Variants in MGAT4C observed in about 807,000 individuals in gnomAD.
MGAT4C encodes MGAT4 family member C.
In MGAT4C, 19 loss-of-function variants were observed where a neutral mutation model predicts 40.1. That is an observed-to-expected ratio of 0.47 (90% CI 0.33 to 0.70). The LOEUF is 0.70. Ranked by LOEUF, MGAT4C falls within the 30% of genes least tolerant of loss-of-function variation. The pLI, the probability that MGAT4C is intolerant of heterozygous loss-of-function variation, is 0.02. For missense variants in MGAT4C, 491 were observed against 563.2 expected (o/e 0.87, Z 1.30); for synonymous variants, 181 against 187.1 (o/e 0.97, Z 0.27).
chr12:86,592,452 G>C (rs1227072853), intron 2 of MGAT4C, among the ~76,000 whole-genome samples: 1 of 152,016 alleles, frequency 6.6e-6, no homozygotes, highest in Non-Finnish European at 1.5e-5. Flanking sequence ...TGTATAATTG[G>C]TAAAAACGTT....
At chr12:86,805,729 T>C (rs1201085669) in intron 1 of MGAT4C, among the ~76,000 whole-genome samples, 4 of 152,028 alleles carry the variant, frequency 2.6e-5, no homozygotes, top group Non-Finnish European at 5.9e-5. Flanking sequence ...TTCTTTTGGA[T>C]AGATACCAAG....
chr12:86,210,823 T>C (rs839167), intron 1 of MGAT4C, among the ~76,000 whole-genome samples: 2 of 152,248 alleles, frequency 1.3e-5, no homozygotes, highest in Admixed American at 6.5e-5. Flanking sequence ...TCTCTCAGGA[T>C]AATAGTGTTA....
chr12:86,121,036 T>C (rs1490946066), intron 1 of MGAT4C, among the ~76,000 whole-genome samples: 1 of 152,122 alleles, frequency 6.6e-6, no homozygotes, highest in Non-Finnish European at 1.5e-5. Context: ...ATAACCAGTG[T>C]AGAGAAGACC....
chr12:86,660,183 G>A (rs1379973796), intron 2 of MGAT4C, among the ~76,000 whole-genome samples: 1 of 152,088 alleles, frequency 6.6e-6, no homozygotes, highest in Non-Finnish European at 1.5e-5. Flanking sequence ...AAGTGAAAAG[G>A]GAGTGTAATA....
intron 1 of MGAT4C, among the ~76,000 whole-genome samples, chr12:86,098,238 T>C (rs1247438581): frequency 1.3e-5 from 2 of 151,710 alleles, no homozygotes; most frequent in Non-Finnish European, 3.0e-5. Flanking sequence ...CTCTCAGCAA[T>C]TTTTCCTTTT....
intron 2 of MGAT4C, among the ~76,000 whole-genome samples, chr12:86,012,607 C>G (rs1888577298): frequency 6.6e-6 from 1 of 151,874 alleles, no homozygotes. Context: ...AAAAAATTAG[C>G]CAGGAGTGGT....
chr12:86,203,298 A>G lies in MGAT4C; in HGVS notation c.-57+52941T>C, dbSNP rs57439405. Among the ~76,000 whole-genome samples the G allele has an allele frequency of 3.1e-3, 472 of 152,228 alleles. 3 individuals are homozygous for G. Among genetic ancestry groups the G allele is most frequent in the African/African-American group, 0.011 (450 of 41,526 alleles). On this transcript the variant is annotated intron_variant, in intron 1 of 4. Transcript: ENST00000611864. ...TATAAAACTTTCTGGGTTCTTACGT[A>G]AATTTCCAAGGGTAGGCTAGAACTC...
chr12:86,310,886 C>T (rs1054554045), intron 4 of MGAT4C, among the ~76,000 whole-genome samples: 22 of 152,108 alleles, frequency 1.4e-4, no homozygotes, highest in South Asian at 2.1e-4. Context: ...ATCGCACCAC[C>T]GCACTCCAGC....
intron 2 of MGAT4C, among the ~76,000 whole-genome samples, chr12:86,594,708 G>C (rs945440821): frequency 2.0e-5 from 3 of 152,140 alleles, no homozygotes; most frequent in African/African-American, 7.2e-5. Flanking sequence ...ACCACTCTCA[G>C]ATCCAAATCA....
intron 2 of MGAT4C, among the ~76,000 whole-genome samples, chr12:86,567,173 G>A (rs1265630494): frequency 6.6e-6 from 1 of 152,076 alleles, no homozygotes; most frequent in Admixed American, 6.6e-5. Context: ...AGGATTCACA[G>A]GTCCATGAAT....
chr12:86,383,681 G>T (rs1955997093), intron 3 of MGAT4C, among the ~76,000 whole-genome samples: 2 of 151,256 alleles, frequency 1.3e-5, no homozygotes, highest in Admixed American at 1.3e-4. Flanking sequence ...TTTACCCAAT[G>T]CCTGTATCCT....
chr12:86,177,087 C>T (rs2135851886), intron 1 of MGAT4C, among the ~76,000 whole-genome samples: 1 of 151,776 alleles, frequency 6.6e-6, no homozygotes, highest in South Asian at 2.1e-4. Flanking sequence ...TGTCAGAATA[C>T]CAGCTTACTA....
At chr12:86,778,465 G>C (rs1242335772) in intron 1 of MGAT4C, among the ~76,000 whole-genome samples, 6 of 151,964 alleles carry the variant, frequency 3.9e-5, no homozygotes, top group Non-Finnish European at 7.4e-5. Flanking sequence ...ACCTGAAAAG[G>C]GTTAATTTAA....
At chr12:86,452,426 T>C (rs1010270207) in intron 2 of MGAT4C, among the ~76,000 whole-genome samples, 2 of 145,764 alleles carry the variant, frequency 1.4e-5, no homozygotes, top group Non-Finnish European at 1.5e-5. Flanking sequence ...TATTAGTACA[T>C]GAACTTCAAC....
At chr12:86,683,751 A>G (rs1214317595) in intron 2 of MGAT4C, among the ~76,000 whole-genome samples, 2 of 152,146 alleles carry the variant, frequency 1.3e-5, no homozygotes, top group Non-Finnish European at 2.9e-5. Flanking sequence ...CCTAAAGCTT[A>G]AAATCATTTT....
chr12:85,991,322 G>A (rs909201683), intron 2 of MGAT4C, among the ~76,000 whole-genome samples: 11 of 152,126 alleles, frequency 7.2e-5, no homozygotes, highest in African/African-American at 1.9e-4. Flanking sequence ...AGGAGGAAGC[G>A]CATGCCAACT....
intron 4 of MGAT4C, among the ~76,000 whole-genome samples, chr12:86,268,491 A>T (rs779039596): frequency 6.6e-6 from 1 of 151,782 alleles, no homozygotes; most frequent in African/African-American, 2.4e-5. Flanking sequence ...ATGTATATTG[A>T]AACCTTTATT....
intron 2 of MGAT4C, among the ~76,000 whole-genome samples, chr12:86,522,589 T>C (rs1020047600): frequency 6.6e-6 from 1 of 152,140 alleles, no homozygotes; most frequent in South Asian, 2.1e-4. Context: ...CAGGTTTTGG[T>C]ATCAGGAAGA....
chr12:86,802,008 C>T (rs895553463), intron 1 of MGAT4C, among the ~76,000 whole-genome samples: 1 of 151,810 alleles, frequency 6.6e-6, no homozygotes, highest in Admixed American at 6.6e-5. Flanking sequence ...TCTTTGCATT[C>T]CTAAATGCTG....
Sources: allele counts gnomAD v4.1 joint callset (sites outside exome capture counted in the v4.1 genomes callset), GRCh38; gene constraint gnomAD v4.1.1; transcripts MANE v1.5; gene names NCBI Gene and HGNC (gene_info 2026-07-23, HGNC 2026-07-21).